The following RFTN1 variants were observed in gnomAD, a reference collection of about 807,000 sequenced individuals.
RFTN1 encodes raftlin, lipid raft linker 1.
Under a neutral mutation model 46.5 loss-of-function variants are expected in RFTN1, and 26 were observed. The observed-to-expected ratio is 0.56, with a 90% confidence interval of 0.41 to 0.78. The LOEUF is 0.78. Ranked by LOEUF, RFTN1 falls within the 30% of genes least tolerant of loss-of-function variation. RFTN1 has a pLI of 0.00. For synonymous variants in RFTN1, 261 were observed against 284.2 expected (o/e 0.92, Z 0.82); for missense variants, 693 against 718.7 (o/e 0.96, Z 0.41).
At chr3:16,378,227 A>C in intron 4 of RFTN1, 125 bp from the exon 5 acceptor site, 1 of 754,604 alleles carries the variant, frequency 1.3e-6, no homozygotes, top group Non-Finnish European at 2.2e-6. Context: ...AAGAATTCCA[A>C]GCTGACAGGA....
intron 2 of RFTN1, among the ~76,000 whole-genome samples, chr3:16,438,588 A>G: frequency 1.1e-5 from 1 of 89,232 alleles, no homozygotes; most frequent in East Asian, 3.4e-4. Flanking sequence ...TCTGTCTCAA[A>G]AAAAAAAAAA....
In RFTN1 at chr3:16,443,528, G is replaced by A. The variant is rs984546726; in HGVS notation, c.146-9491C>T. ...CAGGGGAATCTCAGTAAGACTAAAAGAACTTCTTTAAGCTTATATAAACCT... is the reference window on the plus strand; with the variant it reads ...CAGGGGAATCTCAGTAAGACTAAAAAAACTTCTTTAAGCTTATATAAACCT... On this transcript the variant is annotated intron_variant, in intron 2 of 9. Coordinates refer to ENST00000334133, the MANE Select transcript of RFTN1 (RefSeq NM_015150.2). The surrounding 1 kb of genome is among the most constrained non-coding windows in gnomAD (Gnocchi z 5.5). Among the ~76,000 whole-genome samples, 1 of 152,042 alleles carries A rather than the reference G, an allele frequency of 6.6e-6. No individual in the cohort carries two copies. The highest frequency in any genetic ancestry group is 2.4e-5 in the African/African-American group (1 of 41,402).
At chr3:16,394,996 T>A (rs1200155094) in intron 4 of RFTN1, among the ~76,000 whole-genome samples, 1 of 152,094 alleles carries the variant, frequency 6.6e-6, no homozygotes, top group Admixed American at 6.5e-5. Flanking sequence ...GGCAACCAAG[T>A]GCAATAATAC....
Position 16,427,817 on chromosome 3 carries a change from G to A in RFTN1, c.332+6034C>T, listed in dbSNP as rs920317954. On this transcript the variant is annotated intron_variant, in intron 3 of 9. Transcript: ENST00000334133. The surrounding 1 kb of genome is among the most constrained non-coding windows in gnomAD (Gnocchi z 5.4). ...CCCACTGTTTCTCTTTGGACACCAC[G>A]TTCCACTTGTTCCACAATGTCAATA... Among the ~76,000 whole-genome samples, 3 of 152,046 alleles carry A rather than the reference G, an allele frequency of 2.0e-5. No homozygotes were observed. The highest frequency in any genetic ancestry group is 7.2e-5 in the African/African-American group (3 of 41,392).
rs1437908206 is a variant in RFTN1, at chr3:16,337,570, C to T, written c.1147-10694G>A. Among the ~76,000 whole-genome samples, 3 of 151,714 alleles carry T rather than the reference C, an allele frequency of 2.0e-5. No homozygotes were observed. The highest frequency in any genetic ancestry group is 3.9e-4 in the East Asian group (2 of 5,120). ...CACCCTGGCCAACATGGTGAAACCT[C>T]GTCTCTACTAAAAATACAAAAATTA... On this transcript the variant is annotated intron_variant, in intron 7 of 9. Transcript: ENST00000334133. This position sits in a 1 kb window ranked among gnomAD's most constrained non-coding sequence, Gnocchi z 5.0.
chr3:16,392,931 C>T (rs1182162279), intron 4 of RFTN1, among the ~76,000 whole-genome samples: 1 of 152,176 alleles, frequency 6.6e-6, no homozygotes, highest in East Asian at 1.9e-4. Flanking sequence ...CATTGCATCA[C>T]TGTTCACAGC....
At position 16,507,025 on chromosome 3, in the gene RFTN1, C is replaced by G. The variant is rs1287870717; in HGVS notation, c.-9+6417G>C. The stretch of plus-strand genomic sequence containing the variant: ...GAACCAGACTGACTAGGTTCAAATC[C>G]TGCTGCCCTTATTTCCTACCTGTGT... On this transcript the variant is annotated intron_variant, in intron 1 of 9. Coordinates refer to ENST00000334133, the MANE Select transcript of RFTN1 (RefSeq NM_015150.2). This position sits in a 1 kb window ranked among gnomAD's most constrained non-coding sequence, Gnocchi z 7.1. Among the ~76,000 whole-genome samples the G allele has an allele frequency of 6.6e-6, 1 of 152,146 alleles. No homozygotes were observed. The highest frequency in any genetic ancestry group is 1.9e-4 in the East Asian group (1 of 5,204).
rs74348558 is a variant in RFTN1 at position 16,415,428 on chromosome 3, T to C, written c.333-5945A>G. ...AGTTGAGTATATATATATATATATA[T>C]ATACACACACACACACACATATATA... On this transcript the variant is annotated intron_variant, in intron 3 of 9. Transcript: ENST00000334133. Among the ~76,000 whole-genome samples, 123 of 89,970 alleles carry C rather than the reference T, an allele frequency of 1.4e-3. 5 individuals carry two copies. The highest frequency in any genetic ancestry group is 2.7e-3 in the Non-Finnish European group (94 of 34,516). The allele number at this position is 89,970 out of a possible 152,430, so 59.0% of individuals were successfully genotyped here.
intron 7 of RFTN1, among the ~76,000 whole-genome samples, chr3:16,354,742 G>A (rs1454142831): frequency 6.6e-6 from 1 of 152,182 alleles, no homozygotes; most frequent in Non-Finnish European, 1.5e-5. Flanking sequence ...TTTAAGCTCT[G>A]CTTCCCTTTT....
At position 16,400,308 on chromosome 3, in the gene RFTN1, C is replaced by A. The variant is rs1467209857; in HGVS notation, c.441+9067G>T. ...TGAGCTGCTCCAGGAGTCCCCACCACCTCCACCCTCCCTCCCCTGTTGACC... is the reference window on the plus strand; with the variant it reads ...TGAGCTGCTCCAGGAGTCCCCACCAACTCCACCCTCCCTCCCCTGTTGACC... On this transcript the variant is annotated intron_variant, in intron 4 of 9. Coordinates refer to ENST00000334133, the MANE Select transcript of RFTN1 (RefSeq NM_015150.2). This position sits in a 1 kb window ranked among gnomAD's most constrained non-coding sequence, Gnocchi z 4.5. Among the ~76,000 whole-genome samples, 1 of 152,240 alleles carries A rather than the reference C, an allele frequency of 6.6e-6. No homozygotes were observed. Among genetic ancestry groups the A allele is most frequent in the Non-Finnish European group, 1.5e-5 (1 of 68,034 alleles).
Position 16,377,940 on chromosome 3 carries a change from T to C in RFTN1, c.604A>G (p.Asn202Asp). ...ACATCCCCAGTCCCCGGTTTCTCAT[T>C]CTCCAGTGACGCGTGATCCCCACGT... The part of the protein sequence containing the change: ...NARGDHASLE[N>D]EKPGTGDVCS... Residue 202 changes from asparagine to aspartate, a missense_variant, in exon 5 of 10, where the codon AAT becomes GAT. Asn to Asp is a conservative substitution (Grantham distance 23). Coordinates refer to ENST00000334133, the MANE Select transcript of RFTN1 (RefSeq NM_015150.2). 1 of 1,614,192 alleles carries C rather than the reference T, an allele frequency of 6.2e-7. No individual in the cohort carries two copies. Among genetic ancestry groups the C allele is most frequent in the Non-Finnish European group, 8.5e-7 (1 of 1,180,032 alleles).
chr3:16,334,640 T>C lies in RFTN1; in HGVS notation c.1147-7764A>G, dbSNP rs2070673745. Among the ~76,000 whole-genome samples the C allele has an allele frequency of 6.6e-6, 1 of 152,184 alleles. No individual in the cohort carries two copies. The highest frequency in any genetic ancestry group is 6.5e-5 in the Admixed American group (1 of 15,280). The stretch of plus-strand genomic sequence containing the variant: ...CAATGAGAGGGAATGAATTCTATTC[T>C]AGACACCCTGAGTTTGAGGAACCTA... On this transcript the variant is annotated intron_variant, in intron 7 of 9. Transcript: ENST00000334133. The surrounding 1 kb of genome is among the most constrained non-coding windows in gnomAD (Gnocchi z 4.3).
Position 16,428,248 on chromosome 3 carries a change from A to G in RFTN1, c.332+5603T>C, listed in dbSNP as rs1043504503. Among the ~76,000 whole-genome samples, 1 of 152,152 alleles carries G rather than the reference A, an allele frequency of 6.6e-6. No individual in the cohort carries two copies. The highest frequency in any genetic ancestry group is 1.5e-5 in the Non-Finnish European group (1 of 68,024). ...TGGAGTTCCTGTTCCCTCAATGCCA[A>G]TTCCCACAAATGCTTCCCTAGGTGC... On this transcript the variant is annotated intron_variant, in intron 3 of 9. Transcript: ENST00000334133. This position sits in a 1 kb window ranked among gnomAD's most constrained non-coding sequence, Gnocchi z 4.7.
rs558976492 is a variant in RFTN1 at position 16,392,223 on chromosome 3, GAT to G, written c.442-14123_442-14122del. ...ATGTGGGTTGTAATTCTGTCACACT[GAT>G]TCTCAAAACCCTCAGAAAAGATTTT... On this transcript the variant is annotated intron_variant, in intron 4 of 9. Coordinates refer to ENST00000334133, the MANE Select transcript of RFTN1 (RefSeq NM_015150.2). Among the ~76,000 whole-genome samples the G allele has an allele frequency of 4.6e-5, 7 of 152,218 alleles. No individual in the cohort carries two copies. The South Asian group carries it at 1.5e-3, about 32-fold the overall frequency.
rs905674344 is a variant in RFTN1, at chr3:16,474,281, G to A, written c.145+19444C>T. On this transcript the variant is annotated intron_variant, in intron 2 of 9. Transcript: ENST00000334133. This position sits in a 1 kb window ranked among gnomAD's most constrained non-coding sequence, Gnocchi z 5.5. The stretch of plus-strand genomic sequence containing the variant: ...TAAGTAACTCATCCGAGGTCACAGA[G>A]CAAATGAGAGAGATGGGTCTCCCAG... Among the ~76,000 whole-genome samples, 1 of 152,192 alleles carries A rather than the reference G, an allele frequency of 6.6e-6. No individual in the cohort carries two copies. Among genetic ancestry groups the A allele is most frequent in the Non-Finnish European group, 1.5e-5 (1 of 68,040 alleles).
At chr3:16,371,811 C>T (rs1295933219) in intron 5 of RFTN1, among the ~76,000 whole-genome samples, 1 of 152,214 alleles carries the variant, frequency 6.6e-6, no homozygotes, top group Non-Finnish European at 1.5e-5. Flanking sequence ...GAAGCCATCT[C>T]CAGCCAGGAA....
At chr3:16,358,448 C>CTT (rs372870244) in intron 6 of RFTN1, among the ~76,000 whole-genome samples, 26 of 145,454 alleles carry the variant, frequency 1.8e-4, no homozygotes, top group African/African-American at 6.6e-4. Flanking sequence ...TTTCTTTTTT[C>CTT]TTTTTTTTTA....
chr3:16,339,088 G>A (rs1203526614), intron 7 of RFTN1, among the ~76,000 whole-genome samples: 1 of 152,208 alleles, frequency 6.6e-6, no homozygotes, highest in East Asian at 1.9e-4. Flanking sequence ...ACCATGTGCT[G>A]GGCTGTCACA....
At chr3:16,478,952 A>T (rs145697941) in intron 2 of RFTN1, among the ~76,000 whole-genome samples, 183 of 152,278 alleles carry the variant, frequency 1.2e-3, no homozygotes, top group African/African-American at 4.2e-3. Context: ...GGAAGTGATA[A>T]CCCATCACTT....
Sources: gnomAD v4.1 joint callset for allele counts (sites outside exome capture counted in the v4.1 genomes callset) on GRCh38, gnomAD v4.1.1 for gene constraint, Gnocchi (gnomAD v3.1) non-coding constraint, MANE v1.5 for transcripts, NCBI Gene and HGNC (gene_info 2026-07-23, HGNC 2026-07-21) for gene names.